Variants in AKAP13 observed in about 807,000 individuals in gnomAD.
AKAP13 encodes the protein A-kinase anchoring protein 13.
Under a neutral mutation model 264.5 loss-of-function variants are expected in AKAP13, and 80 were observed. The ratio of observed to expected loss-of-function variants is 0.30; its 90% CI spans 0.25 to 0.36. AKAP13 has a LOEUF of 0.36. Among genes scored for constraint, AKAP13 ranks in the 10% least tolerant of loss-of-function variants. The probability of loss-of-function intolerance (pLI) is 1.00; values close to 1 mark genes in which losing one functional copy is unlikely to be tolerated. For synonymous variants in AKAP13, 1,380 were observed against 1,250.2 expected, an observed-to-expected ratio of 1.10 and a Z score of -2.19; for missense variants, 3,712 against 3,435.2, an observed-to-expected ratio of 1.08 and a Z score of -2.01.
rs770001037 is a variant in AKAP13, at chr15:85,582,060, A to C, written c.3992A>C (p.Glu1331Ala). The C allele has an allele frequency of 6.2e-7, 1 of 1,613,276 alleles. No homozygotes were observed. The highest frequency in any genetic ancestry group is 8.5e-7 in the Non-Finnish European group (1 of 1,179,654). The change falls in exon 7 of 37, where the codon GAG (glutamate) becomes GCG (alanine). Residue 1331 changes from glutamate (E) to alanine (A), a missense_variant. Glu to Ala is a moderately radical substitution (Grantham distance 107, BLOSUM62 -1). Transcript: ENST00000394518. ...SLAGCFAGRE[E>A]PEKIILPVQG... ...GCAGGATGTTTTGCTGGAAGGGAGG[A>C]GCCAGAGAAGATCATTTTACCTGTC...
chr15:85,605,501 A>G (rs2080282500), intron 8 of AKAP13, among the ~76,000 whole-genome samples: 1 of 152,198 alleles, frequency 6.6e-6, no homozygotes, highest in South Asian at 2.1e-4. Context: ...GGAAAGCATC[A>G]GGATAAATAG....
intron 7 of AKAP13, among the ~76,000 whole-genome samples, chr15:85,585,494 A>G (rs1327467541): frequency 6.6e-6 from 1 of 152,230 alleles, no homozygotes; most frequent in Non-Finnish European, 1.5e-5. Flanking sequence ...AGCGCCTACA[A>G]AGGCTAGGGA....
At chr15:85,609,437 A>G (rs762296345) in intron 8 of AKAP13, among the ~76,000 whole-genome samples, 1 of 152,232 alleles carries the variant, frequency 6.6e-6, no homozygotes, top group Non-Finnish European at 1.5e-5. Context: ...CTTGCCATAA[A>G]TAACAGGATT....
intron 1 of AKAP13, among the ~76,000 whole-genome samples, chr15:85,434,479 A>G (rs1166617389): frequency 1.7e-3 from 259 of 152,172 alleles, no homozygotes; most frequent in East Asian, 0.015. Context: ...ACAGCTCAAG[A>G]AGGCCTGCCT....
intron 1 of AKAP13, among the ~76,000 whole-genome samples, chr15:85,441,799 G>T (rs558734692): frequency 6.6e-6 from 1 of 152,074 alleles, no homozygotes; most frequent in South Asian, 2.1e-4. Context: ...TATTACTGCA[G>T]TAAATAGTCT....
At chr15:85,693,544 C>T (rs1454519885) in intron 17 of AKAP13, 93 bp downstream of exon 17, 4 of 1,551,334 alleles carry the variant, frequency 2.6e-6, no homozygotes, top group Non-Finnish European at 1.7e-6. Flanking sequence ...TTATCTGTTC[C>T]TCATTTATGT....
intron 1 of AKAP13, among the ~76,000 whole-genome samples, chr15:85,443,499 A>G (rs1010974332): frequency 6.6e-6 from 1 of 152,138 alleles, no homozygotes; most frequent in South Asian, 2.1e-4. Context: ...GTGTATCAGC[A>G]TTCCTTATTA....
intron 8 of AKAP13, among the ~76,000 whole-genome samples, chr15:85,613,188 A>G (rs1445277828): frequency 1.3e-5 from 2 of 152,260 alleles, no homozygotes; most frequent in African/African-American, 4.8e-5. Context: ...GTTATCAAAC[A>G]GTACACTGCA....
chr15:85,441,179 T>G (rs1341942020), intron 1 of AKAP13, among the ~76,000 whole-genome samples: 1 of 152,208 alleles, frequency 6.6e-6, no homozygotes, highest in Non-Finnish European at 1.5e-5. Flanking sequence ...TTCCACACAT[T>G]TTGCCAATAC....
chr15:85,441,109 T>G (rs1222283698), intron 1 of AKAP13, among the ~76,000 whole-genome samples: 1 of 152,230 alleles, frequency 6.6e-6, no homozygotes, highest in Non-Finnish European at 1.5e-5. Flanking sequence ...TGGGTAACAC[T>G]GTTTTCCAAA....
chr15:85,665,041 A>G (rs1179649802), intron 13 of AKAP13, among the ~76,000 whole-genome samples: 1 of 152,000 alleles, frequency 6.6e-6, no homozygotes, highest in African/African-American at 2.4e-5. Context: ...CATCTCTACA[A>G]AAAATTTAAA....
chr15:85,408,470 A>G (rs921772292), intron 1 of AKAP13, among the ~76,000 whole-genome samples: 2 of 151,660 alleles, frequency 1.3e-5, no homozygotes, highest in Non-Finnish European at 2.9e-5. Flanking sequence ...CCATGAAACA[A>G]TAACTTTCTA....
chr15:85,697,700 G>A (rs2085645148), intron 17 of AKAP13, among the ~76,000 whole-genome samples: 1 of 152,172 alleles, frequency 6.6e-6, no homozygotes, highest in Admixed American at 6.5e-5. Context: ...TCATTGAAAG[G>A]TATTCATGGA....
chr15:85,480,730 C>G (rs1251243557), intron 1 of AKAP13: 1 of 152,072 alleles, frequency 6.6e-6, no homozygotes, highest in African/African-American at 2.4e-5. Context: ...TCTTGTTGCC[C>G]AGGCTGGAGT....
chr15:85,475,957 A>AG (rs970254347), intron 1 of AKAP13, among the ~76,000 whole-genome samples: 1 of 152,194 alleles, frequency 6.6e-6, no homozygotes, highest in African/African-American at 2.4e-5. Context: ...GTGCTACAGG[A>AG]GACATCTGCA....
intron 5 of AKAP13, among the ~76,000 whole-genome samples, chr15:85,561,143 C>T (rs529457858): frequency 1.1e-4 from 17 of 151,646 alleles, no homozygotes; most frequent in African/African-American, 2.9e-4. Flanking sequence ...CTGCAACCTC[C>T]GCCCCCCAGG....
intron 1 of AKAP13, among the ~76,000 whole-genome samples, chr15:85,467,753 C>T (rs1047727207): frequency 4.6e-5 from 7 of 152,128 alleles, no homozygotes; most frequent in Non-Finnish European, 8.8e-5. Context: ...TGAATTTTGG[C>T]GAATGAGTGA....
intron 6 of AKAP13, among the ~76,000 whole-genome samples, chr15:85,576,247 A>T (rs1295630659): frequency 6.6e-6 from 1 of 152,226 alleles, no homozygotes; most frequent in East Asian, 1.9e-4. Context: ...GAAAGAACCA[A>T]CAGTTTCTGA....
intron 12 of AKAP13, among the ~76,000 whole-genome samples, chr15:85,660,972 G>A (rs338547): frequency 0.64 from 97,071 of 151,946 alleles, 31,193 homozygotes; most frequent in Middle Eastern, 0.73. Flanking sequence ...GATGTGTCCA[G>A]TATAGGTGTT....
Sources: gnomAD v4.1 joint callset for allele counts (sites outside exome capture counted in the v4.1 genomes callset) on GRCh38, gnomAD v4.1.1 for gene constraint, MANE v1.5 for transcripts, NCBI Gene and HGNC (gene_info 2026-07-23, HGNC 2026-07-21) for gene names.